The following FARP1 variants were observed in gnomAD, a reference collection of about 807,000 sequenced individuals.
FARP1 encodes FERM, ARHGEF and pleckstrin domain-containing protein 1.
FARP1 carries 52 observed loss-of-function variants against 128.8 expected under a neutral mutation model. That is an observed-to-expected ratio of 0.40 (90% confidence interval 0.32 to 0.51). The LOEUF is 0.51. Among genes scored for constraint, FARP1 ranks in the 20% least tolerant of loss-of-function variants. The pLI, the probability that FARP1 is intolerant of heterozygous loss-of-function variation, is 0.45. For missense variants in FARP1, 1,333 were observed against 1,367.9 expected (o/e 0.97, Z 0.40); for synonymous variants, 580 against 551.8 (o/e 1.05, Z -0.72).
chr13:98,295,977 G>A (rs1344555911), intron 2 of FARP1, among the ~76,000 whole-genome samples: 1 of 152,158 alleles, frequency 6.6e-6, no homozygotes, highest in Non-Finnish European at 1.5e-5. Flanking sequence ...TGGTTGCTTA[G>A]CCTCTAGCCC....
rs78458840 is a variant in FARP1, at chr13:98,295,740, T to G, written c.172-48022T>G. Among the ~76,000 whole-genome samples, 92 of 152,328 alleles carry G rather than the reference T, an allele frequency of 6.0e-4. No homozygotes were observed. In the East Asian group the frequency reaches 0.017, roughly 27 times the overall value. On this transcript the variant is annotated intron_variant, in intron 2 of 26. Transcript: ENST00000319562. ...AAAGGTCAGTTCAGATTTGTTAACA[T>G]CTGCATTAATTAGGACATCTAGCAT...
chr13:98,453,630 A>G lies in FARP1; in HGVS notation c.*5313A>G, dbSNP rs986285783. ...AAATAGTGATGCAGTCCAAGAATCT[A>G]TTTCCTAGAACTGCTTCCGAAATAT... On this transcript the variant is annotated 3_prime_UTR_variant, in exon 27 of 27. Transcript: ENST00000319562. 6.2e-6 allele frequency: 1 copy of G among 161,866 alleles called. No homozygotes were observed. The highest frequency in any genetic ancestry group is 2.4e-5 in the African/African-American group (1 of 41,334). The allele number at this position is 161,866 out of a possible 1,614,324, so 10.0% of individuals were successfully genotyped here. A position where few individuals can be genotyped will look rare whatever the true frequency, so the allele number is the denominator to read the frequency against.
chr13:98,385,168 G>A (rs753724942), intron 7 of FARP1, among the ~76,000 whole-genome samples: 4 of 152,212 alleles, frequency 2.6e-5, no homozygotes, highest in Non-Finnish European at 2.9e-5. Flanking sequence ...TCAGAGTATC[G>A]TGAAAATCCA....
chr13:98,310,991 C>G (rs1291315675), intron 2 of FARP1, among the ~76,000 whole-genome samples: 1 of 152,134 alleles, frequency 6.6e-6, no homozygotes, highest in Non-Finnish European at 1.5e-5. Flanking sequence ...CAGGCTCTAT[C>G]TGTGGGAAGT....
At chr13:98,292,628 GA>G (rs1208386686) in intron 2 of FARP1, among the ~76,000 whole-genome samples, 1 of 152,176 alleles carries the variant, frequency 6.6e-6, no homozygotes, top group Non-Finnish European at 1.5e-5. Flanking sequence ...CACAGATATA[GA>G]ACATTCCCTC....
At chr13:98,195,986 A>G (rs1879549111) in intron 1 of FARP1, among the ~76,000 whole-genome samples, 1 of 152,172 alleles carries the variant, frequency 6.6e-6, no homozygotes, top group Non-Finnish European at 1.5e-5. Flanking sequence ...TGATCGTATC[A>G]CTGCACTCCA....
At position 98,278,440 on chromosome 13, in the gene FARP1, ATG is replaced by A. The variant is rs538500375; in HGVS notation, c.171+65034_171+65035del. On this transcript the variant is annotated intron_variant, in intron 2 of 26. Transcript: ENST00000319562. The stretch of plus-strand genomic sequence containing the variant: ...GTGAGCATTGTGTATATGTGTGAGA[ATG>A]TGTGTGAGACAGTGTTGCAAGTGTG... 6.3e-4 allele frequency among the ~76,000 whole-genome samples: 95 copies of A among 151,992 alleles called. 1 individual carries two copies. The highest frequency in any genetic ancestry group is 3.4e-3 in the Middle Eastern group (1 of 292).
At chr13:98,151,502 C>T (rs9513361) in intron 1 of FARP1, among the ~76,000 whole-genome samples, 23,936 of 151,830 alleles carry the variant, frequency 0.16, 2,390 homozygotes, top group Middle Eastern at 0.26. Context: ...TTCTTGCCCA[C>T]AGAAGATCAA....
intron 2 of FARP1, among the ~76,000 whole-genome samples, chr13:98,308,008 C>CT (rs1160494693): frequency 2.8e-5 from 3 of 105,664 alleles, no homozygotes; most frequent in South Asian, 3.1e-4. Flanking sequence ...CTGCCTGCCC[C>CT]CCTCCGCCCG....
chr13:98,186,079 A>G (rs988623182), intron 1 of FARP1, among the ~76,000 whole-genome samples: 1 of 152,064 alleles, frequency 6.6e-6, no homozygotes, highest in Non-Finnish European at 1.5e-5. Context: ...CATCACCATC[A>G]TCTATCTGCA....
At chr13:98,285,732 G>A (rs1391111542) in intron 2 of FARP1, among the ~76,000 whole-genome samples, 1 of 152,230 alleles carries the variant, frequency 6.6e-6, no homozygotes, top group East Asian at 1.9e-4. Flanking sequence ...TGCTTCCGCT[G>A]TTATTAGTCT....
chr13:98,428,903 GAC>G (rs1362887174), intron 17 of FARP1, among the ~76,000 whole-genome samples: 3 of 152,336 alleles, frequency 2.0e-5, no homozygotes, highest in Admixed American at 6.5e-5. Flanking sequence ...CGCACAGAGC[GAC>G]ACACACATGC....
At chr13:98,353,375 GTAT>G (rs1888513482) in intron 3 of FARP1, among the ~76,000 whole-genome samples, 1 of 152,084 alleles carries the variant, frequency 6.6e-6, no homozygotes, top group African/African-American at 2.4e-5. Flanking sequence ...GCTTTGTGCA[GTAT>G]TATTATTATT....
chr13:98,393,748 C>G, intron 12 of FARP1, 30 bp downstream of exon 12: 2 of 1,554,960 alleles, frequency 1.3e-6, no homozygotes, highest in Non-Finnish European at 1.8e-6. Flanking sequence ...TATGATAACT[C>G]TGCTTTTCCC....
chr13:98,227,167 C>T (rs974649296), intron 2 of FARP1, among the ~76,000 whole-genome samples: 1 of 152,142 alleles, frequency 6.6e-6, no homozygotes, highest in Non-Finnish European at 1.5e-5. Flanking sequence ...TGGTCTCGAT[C>T]TCCTGACCTC....
intron 2 of FARP1, among the ~76,000 whole-genome samples, chr13:98,288,805 C>T (rs1433530917): frequency 3.3e-5 from 5 of 152,244 alleles, no homozygotes; most frequent in East Asian, 3.9e-4. Flanking sequence ...CAGCTTTGGG[C>T]GAGATGCTGG....
At chr13:98,237,352 C>T (rs755896321) in intron 2 of FARP1, among the ~76,000 whole-genome samples, 5 of 151,834 alleles carry the variant, frequency 3.3e-5, no homozygotes, top group Admixed American at 6.6e-5. Flanking sequence ...CAAACGCTGA[C>T]GGACTGTATG....
At chr13:98,396,276 A>G in intron 13 of FARP1, 1 of 399,076 alleles carries the variant, frequency 2.5e-6, no homozygotes. Context: ...GGCAGCTGGC[A>G]CCCCTGCAAG....
chr13:98,256,840 G>A (rs9513384), intron 2 of FARP1, among the ~76,000 whole-genome samples: 106,720 of 144,340 alleles, frequency 0.74, 41,947 homozygotes, highest in East Asian at 0.89. Flanking sequence ...GATTACAGGC[G>A]TGAGCCACCA....
Sources: gnomAD v4.1 joint callset for allele counts (sites outside exome capture counted in the v4.1 genomes callset) on GRCh38, gnomAD v4.1.1 for gene constraint, MANE v1.5 for transcripts, NCBI Gene and HGNC (gene_info 2026-07-23, HGNC 2026-07-21) for gene names.